The following OPRM1 variants were observed in gnomAD, a reference collection of about 807,000 sequenced individuals.
OPRM1 encodes the protein opioid receptor mu 1, also known as mu-type opioid receptor.
OPRM1 carries 27 observed loss-of-function variants against 31.8 expected under a neutral mutation model. That is an observed-to-expected ratio of 0.85 (90% CI 0.63 to 1.17). OPRM1 has a LOEUF of 1.17. OPRM1 is among the 50% of genes most tolerant of loss of function. The probability of loss-of-function intolerance (pLI) is 0.00; values close to 1 mark genes in which losing one functional copy is unlikely to be tolerated. For synonymous variants in OPRM1, 196 were observed against 189.9 expected (o/e 1.03, Z -0.26); for missense variants, 536 against 511.1 (o/e 1.05, Z -0.47).
intron 3 of OPRM1, among the ~76,000 whole-genome samples, chr6:154,245,404 C>T (rs1286969877): frequency 6.6e-6 from 1 of 152,036 alleles, no homozygotes; most frequent in African/African-American, 2.4e-5. Context: ...GTGCTTATTC[C>T]CAGCACTGGA....
chr6:154,159,275 T>C (rs1258397856), intron 3 of OPRM1: 2 of 158,438 alleles, frequency 1.3e-5, no homozygotes, highest in African/African-American at 4.8e-5. Flanking sequence ...CTATGAAGCA[T>C]TTCTCATCAC....
At position 154,193,029 on chromosome 6, in the gene OPRM1, C is replaced by T. The variant is rs12663782; in HGVS notation, c.1165-53664C>T. Among the ~76,000 whole-genome samples, 411 of 152,232 alleles carry T rather than the reference C, an allele frequency of 2.7e-3. 6 individuals carry two copies. The highest frequency in any genetic ancestry group is 6.8e-3 in the East Asian group (35 of 5,182). ...AATCCCACTACTGGATATCTACTCA[C>T]AGGAAAAGAAGTCATTATACGAAGA... is the stretch of plus-strand genomic sequence containing the variant. On this transcript the variant is annotated intron_variant, in intron 3 of 3. Coordinates refer to the OPRM1 transcript ENST00000337049.
At chr6:154,023,349 G>A (rs1446657755) in intron 1 of OPRM1, among the ~76,000 whole-genome samples, 2 of 151,984 alleles carry the variant, frequency 1.3e-5, no homozygotes, top group Non-Finnish European at 2.9e-5. Flanking sequence ...TTCTTTTTCA[G>A]ATTGTTTACT....
At chr6:154,107,216 T>C (rs1190227611) in intron 3 of OPRM1, among the ~76,000 whole-genome samples, 1 of 152,214 alleles carries the variant, frequency 6.6e-6, no homozygotes, top group Non-Finnish European at 1.5e-5. Flanking sequence ...CCTCCTGTTT[T>C]TCCCAAGGAG....
chr6:154,180,386 CTA>C (rs58975780), intron 3 of OPRM1, among the ~76,000 whole-genome samples: 945 of 88,250 alleles, frequency 0.011, 7 homozygotes, highest in African/African-American at 0.016. Flanking sequence ...ACAACAACAA[CTA>C]TATATATATA....
chr6:154,156,595 G>GT (rs1798725110), intron 3 of OPRM1: 1 of 152,206 alleles, frequency 6.6e-6, no homozygotes, highest in African/African-American at 2.4e-5. Context: ...CTGTGTAAAT[G>GT]TAAGGCATGG....
chr6:154,081,859 G>T (rs1348424089), intron 1 of OPRM1, among the ~76,000 whole-genome samples: 1 of 152,118 alleles, frequency 6.6e-6, no homozygotes, highest in Non-Finnish European at 1.5e-5. Context: ...GTAACTCTGT[G>T]TGCCTCGGGT....
chr6:154,089,629 G>A, intron 1 of OPRM1, 197 bp from the exon 2 acceptor site: 3 of 563,418 alleles, frequency 5.3e-6, no homozygotes, highest in Non-Finnish European at 9.4e-6. Context: ...CAGCATCGTT[G>A]CTATTATTGC....
At chr6:154,134,833 G>A (rs909728398), downstream of OPRM1, among the ~76,000 whole-genome samples, 2 of 151,940 alleles carry the variant, frequency 1.3e-5, no homozygotes, top group East Asian at 1.9e-4. Flanking sequence ...CACTATTTGA[G>A]TCCAAAGAAA....
intron 3 of OPRM1, among the ~76,000 whole-genome samples, chr6:154,196,511 G>A (rs577193548): frequency 9.2e-5 from 14 of 152,086 alleles, no homozygotes; most frequent in South Asian, 6.2e-4. Context: ...TTGGGTATTC[G>A]TCTTATTTGC....
intron 1 of OPRM1, among the ~76,000 whole-genome samples, chr6:154,058,556 A>G (rs1255399814): frequency 6.6e-6 from 1 of 152,166 alleles, no homozygotes; most frequent in Non-Finnish European, 1.5e-5. Flanking sequence ...AAAAAGTAAC[A>G]CTTTAGTAAA....
chr6:154,089,642 C>T (rs1234996294), intron 1 of OPRM1, 184 bp from the exon 2 acceptor site: 20 of 571,864 alleles, frequency 3.5e-5, no homozygotes, highest in Non-Finnish European at 5.9e-5. Flanking sequence ...ATTATTGCAG[C>T]TATTTAGCCA....
intron 1 of OPRM1, among the ~76,000 whole-genome samples, chr6:154,058,430 G>A (rs1196217107): frequency 2.0e-5 from 3 of 152,144 alleles, no homozygotes; most frequent in Non-Finnish European, 4.4e-5. Flanking sequence ...AAGATAATTG[G>A]TCAAAGAAGC....
chr6:154,210,679 A>G (rs1777887052), intron 3 of OPRM1, among the ~76,000 whole-genome samples: 1 of 152,236 alleles, frequency 6.6e-6, no homozygotes, highest in African/African-American at 2.4e-5. Context: ...TTTAAAAAGG[A>G]GAAGGATTAC....
chr6:154,162,952 G>A (rs35266871), intron 3 of OPRM1, among the ~76,000 whole-genome samples: 42 of 152,158 alleles, frequency 2.8e-4, no homozygotes, highest in Non-Finnish European at 5.6e-4. Flanking sequence ...GGTTCCTACC[G>A]TAGTCTTCCA....
chr6:154,058,219 A>G (rs539765955), intron 1 of OPRM1, among the ~76,000 whole-genome samples: 4 of 152,326 alleles, frequency 2.6e-5, no homozygotes, highest in East Asian at 1.9e-4. Flanking sequence ...AAAAAATTGT[A>G]TATAAAGATA....
At chr6:154,136,238 TTTTC>T (rs1409752315), downstream of OPRM1, among the ~76,000 whole-genome samples, 1 of 152,072 alleles carries the variant, frequency 6.6e-6, no homozygotes, top group African/African-American at 2.4e-5. Context: ...ACTAGTTCTG[TTTTC>T]TGGGGCTTCC....
rs565989194 is a variant in OPRM1 at position 154,105,559 on chromosome 6, A to G, written c.1165-13124A>G. On this transcript the variant is annotated intron_variant, in intron 3 of 3. Transcript: ENST00000330432. The stretch of plus-strand genomic sequence containing the variant: ...AAATCATCTTCTAAAGAGGATTAAA[A>G]CAAGACAACAATTTTCTGTGGATGA... Among the ~76,000 whole-genome samples, 4 of 152,328 alleles carry G rather than the reference A, an allele frequency of 2.6e-5. No individual in the cohort carries two copies. The South Asian group carries it at 6.2e-4, about 24-fold the overall frequency.
intron 1 of OPRM1, among the ~76,000 whole-genome samples, chr6:154,046,216 C>T (rs1200049906): frequency 3.9e-5 from 6 of 152,172 alleles, no homozygotes; most frequent in African/African-American, 1.2e-4. Flanking sequence ...GTTAGAACTA[C>T]CAAGAGAGTT....
Sources: gnomAD v4.1 joint callset for allele counts (sites outside exome capture counted in the v4.1 genomes callset) on GRCh38, gnomAD v4.1.1 for gene constraint, MANE v1.5 for transcripts, NCBI Gene and HGNC (gene_info 2026-07-23, HGNC 2026-07-21) for gene names.